SERAC1: variants seen among roughly 807,000 people sequenced by gnomAD.
The protein encoded by SERAC1 is protein SERAC1.
Under a neutral mutation model 85.7 loss-of-function variants are expected in SERAC1, and 36 were observed. The observed-to-expected ratio is 0.42, with a 90% CI of 0.32 to 0.55. The LOEUF (loss-of-function observed/expected upper bound fraction) is 0.55. Among genes scored for constraint, SERAC1 ranks in the 20% least tolerant of loss-of-function variants. SERAC1 has a pLI of 0.11. For synonymous variants in SERAC1, 242 were observed against 265.3 expected, an observed-to-expected ratio of 0.91 and a Z score of 0.85; for missense variants, 629 against 796.2, an observed-to-expected ratio of 0.79 and a Z score of 2.53.
chr6:158,142,983 G>A (rs1166354268), intron 8 of SERAC1, 73 bp downstream of exon 8: 7 of 1,221,624 alleles, frequency 5.7e-6, no homozygotes, highest in Non-Finnish European at 8.2e-6. Context: ...CTGGGTGAAT[G>A]CCAGCCACTG....
Position 158,143,117 on chromosome 6 carries a change from C to T in SERAC1, c.677G>A (p.Cys226Tyr). Residue 226 changes from cysteine (C) to tyrosine (Y), a missense_variant, in exon 8 of 17, where the codon TGT (cysteine) becomes TAT (tyrosine). Cys to Tyr is a radical substitution (Grantham distance 194). Transcript: ENST00000647468. ...ASLPQTELDE[C>Y]IQYFTSLALS... ...AGCCAAAGATGTAAAATACTGGATA[C>T]ACTCATCTAGCTCTGTTTGAGGTAA... 1 of 1,613,610 alleles carries T rather than the reference C, an allele frequency of 6.2e-7. No individual in the cohort carries two copies. The highest frequency in any genetic ancestry group is 8.5e-7 in the Non-Finnish European group (1 of 1,179,714).
chr6:158,128,376 AG>A, intron 9 of SERAC1, 106 bp from the exon 10 acceptor site: 2 of 990,700 alleles, frequency 2.0e-6, no homozygotes, highest in South Asian at 3.2e-5. Context: ...ACTCAAGGGC[AG>A]GGATGCAGGG....
rs573029788 is a variant in SERAC1, at chr6:158,132,528, C to T, written c.739-2042G>A. On this transcript the variant is annotated intron_variant, in intron 8 of 16. Transcript: ENST00000647468. ...GATTTATCGCCACATCCTGGCTCCC[C>T]CAAACCCCTCTTCCCACCTTGTACC... 6.6e-4 allele frequency among the ~76,000 whole-genome samples: 101 copies of T among 152,200 alleles called. No homozygotes were observed. In the Middle Eastern group the frequency reaches 0.024, roughly 36 times the overall value.
intron 8 of SERAC1, among the ~76,000 whole-genome samples, chr6:158,133,378 A>T (rs1488559675): frequency 1.5e-5 from 1 of 66,402 alleles, no homozygotes; most frequent in Non-Finnish European, 2.5e-5. Flanking sequence ...TCTGGTGTTA[A>T]TTTTTTTTTT....
intron 1 of SERAC1, among the ~76,000 whole-genome samples, chr6:158,164,461 C>T (rs991096286): frequency 1.3e-5 from 2 of 151,558 alleles, no homozygotes; most frequent in South Asian, 2.1e-4. Context: ...GGCGACAGAG[C>T]GAGACTCCAT....
At chr6:158,156,832 T>G (rs1785349482) in intron 2 of SERAC1, among the ~76,000 whole-genome samples, 1 of 137,974 alleles carries the variant, frequency 7.2e-6, no homozygotes, top group South Asian at 2.1e-4. Context: ...TATTAATATA[T>G]TATATAAATA....
At chr6:158,157,868 G>A (rs899098803) in intron 2 of SERAC1, among the ~76,000 whole-genome samples, 10 of 152,154 alleles carry the variant, frequency 6.6e-5, no homozygotes, top group African/African-American at 2.4e-4. Context: ...CTTCCTAAAC[G>A]AAGGCAAGGC....
intron 10 of SERAC1, among the ~76,000 whole-genome samples, chr6:158,121,239 C>CGTAAA: frequency 6.6e-6 from 1 of 152,008 alleles, no homozygotes; most frequent in South Asian, 2.1e-4. Context: ...CTTATAAAGT[C>CGTAAA]GTTACCTTTT....
At chr6:158,129,976 G>A (rs895618720) in intron 9 of SERAC1, among the ~76,000 whole-genome samples, 1 of 152,102 alleles carries the variant, frequency 6.6e-6, no homozygotes, top group Non-Finnish European at 1.5e-5. Context: ...GATTACAGGC[G>A]TGAGCCACCG....
chr6:158,114,390 C>T (rs781737926), intron 15 of SERAC1: 3 of 711,428 alleles, frequency 4.2e-6, no homozygotes, highest in Non-Finnish European at 5.2e-6. Flanking sequence ...GAGAAAACTG[C>T]TTATCAAACC....
intron 4 of SERAC1, 101 bp downstream of exon 4, chr6:158,150,352 G>T: frequency 1.1e-6 from 1 of 893,282 alleles, no homozygotes; most frequent in Non-Finnish European, 1.6e-6. Context: ...CTTAGAATTA[G>T]CTCAATCTGT....
chr6:158,133,800 TA>T (rs1341466465), intron 8 of SERAC1, among the ~76,000 whole-genome samples: 1 of 152,100 alleles, frequency 6.6e-6, no homozygotes, highest in Admixed American at 6.5e-5. Flanking sequence ...CAAGGGTCCT[TA>T]GGGGTATGGG....
intron 3 of SERAC1, among the ~76,000 whole-genome samples, chr6:158,153,235 T>C (rs1019059332): frequency 5.3e-5 from 8 of 152,260 alleles, no homozygotes; most frequent in African/African-American, 1.7e-4. Context: ...ATTCTTTTGC[T>C]CAGCCTTGTA....
In SERAC1 at chr6:158,111,430, G is replaced by A; in HGVS notation, c.1901C>T (p.Ala634Val). 1 of 1,611,864 alleles carries A rather than the reference G, an allele frequency of 6.2e-7. No individual in the cohort carries two copies. Among genetic ancestry groups the A allele is most frequent in the Non-Finnish European group, 8.5e-7 (1 of 1,179,244 alleles). The change falls in exon 17 of 17, where the codon GCT becomes GTT. Residue 634 changes from alanine to valine, a missense_variant. Transcript: ENST00000647468. ...TTGTAAAGTACGCTGGTACAAAAAAGCATCCTTTTTCTTTGGCTTACAAAT... is the reference window on the plus strand; with the variant it reads ...TTGTAAAGTACGCTGGTACAAAAAAACATCCTTTTTCTTTGGCTTACAAAT... ...LNICKPKKKD[A>V]FLYQRTLQFI...
intron 1 of SERAC1, chr6:158,160,800 C>T (rs1315704652): frequency 6.6e-6 from 1 of 151,952 alleles, no homozygotes; most frequent in Non-Finnish European, 1.5e-5. Context: ...TATTAGAATG[C>T]TTTAAATACG....
At chr6:158,111,629 A>C in intron 16 of SERAC1, 127 bp from the exon 17 acceptor site, 3 of 655,232 alleles carry the variant, frequency 4.6e-6, no homozygotes. Flanking sequence ...CTTAAAAGAT[A>C]AAGGAACCTG....
chr6:158,111,688 T>G, intron 16 of SERAC1, 186 bp from the exon 17 acceptor site: 1 of 472,032 alleles, frequency 2.1e-6, no homozygotes, highest in Non-Finnish European at 3.7e-6. Flanking sequence ...CAGGAAGGGA[T>G]TCTCAGTCAG....
chr6:158,121,411 C>G (rs1357413334), intron 10 of SERAC1, among the ~76,000 whole-genome samples: 1 of 152,110 alleles, frequency 6.6e-6, no homozygotes, highest in Non-Finnish European at 1.5e-5. Flanking sequence ...GACTTGGGCT[C>G]ACATTTCTGC....
At chr6:158,127,412 GGA>G (rs1784571455) in intron 10 of SERAC1, among the ~76,000 whole-genome samples, 1 of 45,044 alleles carries the variant, frequency 2.2e-5, no homozygotes, top group Admixed American at 2.6e-4. Flanking sequence ...GCCCCGTCCG[GGA>G]GGTGAGGGGC....
Sources: allele counts gnomAD v4.1 joint callset (sites outside exome capture counted in the v4.1 genomes callset), GRCh38; gene constraint gnomAD v4.1.1; transcripts MANE v1.5; gene names NCBI Gene and HGNC (gene_info 2026-07-23, HGNC 2026-07-21).